Variants in FRAS1 observed in about 807,000 individuals in gnomAD.
FRAS1 encodes Fraser extracellular matrix complex subunit 1.
FRAS1 carries 290 observed loss-of-function variants against 435.2 expected under a neutral mutation model. That is an observed-to-expected ratio of 0.67 (90% CI 0.61 to 0.73). FRAS1 has a LOEUF of 0.73. Ranked by LOEUF, FRAS1 falls within the 30% of genes least tolerant of loss-of-function variation. The pLI, the probability that FRAS1 is intolerant of heterozygous loss-of-function variation, is 0.00. For missense variants in FRAS1, 4,860 were observed against 5,001.5 expected (o/e 0.97, Z 0.85); for synonymous variants, 1,800 against 1,851.0 (o/e 0.97, Z 0.71).
chr4:78,477,897 T>TC lies in FRAS1; in HGVS notation c.7935dup (p.Thr2646HisfsTer28). 1.9e-6 allele frequency: 3 copies of TC among 1,613,628 alleles called. No individual in the cohort carries two copies. The highest frequency in any genetic ancestry group is 2.5e-6 in the Non-Finnish European group (3 of 1,179,786). On this transcript the variant is annotated frameshift_variant, in exon 55 of 74. Coordinates refer to ENST00000512123, the MANE Select transcript of FRAS1 (RefSeq NM_025074.7). LOFTEE classifies it high-confidence loss of function. The stretch of plus-strand genomic sequence containing the variant: ...GACGTGTTTGAAAATGTTGAGAGTT[T>TC]CACTGTGGAGCTCAGCATGCCAGCT...
At chr4:78,450,730 G>A (rs901543328) in intron 45 of FRAS1, among the ~76,000 whole-genome samples, 7 of 152,116 alleles carry the variant, frequency 4.6e-5, no homozygotes, top group Admixed American at 6.6e-5. Context: ...GCTCCCCAAA[G>A]AGCACAAGTT....
intron 14 of FRAS1, among the ~76,000 whole-genome samples, chr4:78,292,137 T>C (rs1727928625): frequency 6.6e-6 from 1 of 152,202 alleles, no homozygotes; most frequent in African/African-American, 2.4e-5. Flanking sequence ...TTTCAACCTA[T>C]AGAGATAAAA....
Position 78,057,937 on chromosome 4 carries a change from A to G in FRAS1, c.-73A>G. Reference sequence around the variant, plus strand: ...AGTGCGCCCGGGTTCCAAGCGCCGGAGCCAGCGTTTTGGCGGAGCCGCTTC... The same window carrying G: ...AGTGCGCCCGGGTTCCAAGCGCCGGGGCCAGCGTTTTGGCGGAGCCGCTTC... On this transcript the variant is annotated 5_prime_UTR_variant, in exon 1 of 74. Coordinates refer to ENST00000512123, the MANE Select transcript of FRAS1 (RefSeq NM_025074.7). The surrounding 1 kb of genome is among the most constrained non-coding windows in gnomAD (Gnocchi z 4.2). 2 of 1,458,854 alleles carry G rather than the reference A, an allele frequency of 1.4e-6. No homozygotes were observed. The highest frequency in any genetic ancestry group is 1.9e-6 in the Non-Finnish European group (2 of 1,044,680). 90.4% of individuals were successfully genotyped at this position (1,458,854 alleles called of 1,614,324 possible).
intron 66 of FRAS1, among the ~76,000 whole-genome samples, chr4:78,516,815 C>G (rs1721228977): frequency 6.6e-6 from 1 of 152,198 alleles, no homozygotes. Flanking sequence ...GAAACCACCC[C>G]CATGATCCAA....
chr4:78,099,362 T>G (rs1438083422), intron 2 of FRAS1, among the ~76,000 whole-genome samples: 1 of 152,202 alleles, frequency 6.6e-6, no homozygotes, highest in Non-Finnish European at 1.5e-5. Context: ...GGTAGGCATG[T>G]CATTAGGGAG....
intron 2 of FRAS1, among the ~76,000 whole-genome samples, chr4:78,183,634 A>C (rs1359057387): frequency 6.6e-6 from 1 of 152,182 alleles, no homozygotes; most frequent in East Asian, 1.9e-4. Context: ...ACTGGGCTAA[A>C]GAAGTGCAGG....
intron 2 of FRAS1, among the ~76,000 whole-genome samples, chr4:78,202,164 GGTAGATTAACCCT>G (rs1432573866): frequency 6.6e-6 from 1 of 152,100 alleles, no homozygotes. Flanking sequence ...ATAGTGTCAT[GGTAGATTAACCCT>G]GTAAACTAAA....
intron 70 of FRAS1, 65 bp from the exon 71 acceptor site, chr4:78,534,384 A>C: frequency 7.3e-7 from 1 of 1,375,340 alleles, no homozygotes; most frequent in Non-Finnish European, 1.0e-6. Context: ...AGGGAGGGTG[A>C]CTCAAATGAC....
intron 22 of FRAS1, 48 bp from the exon 23 acceptor site, chr4:78,369,790 T>A: frequency 6.4e-7 from 1 of 1,561,016 alleles, no homozygotes; most frequent in Non-Finnish European, 8.7e-7. Context: ...AGTGCTTCAG[T>A]ATTTGCAATT....
intron 20 of FRAS1, among the ~76,000 whole-genome samples, chr4:78,360,007 C>T (rs1731015751): frequency 6.6e-6 from 1 of 152,172 alleles, no homozygotes; most frequent in African/African-American, 2.4e-5. Flanking sequence ...CATCTGTGTA[C>T]CCAAATCTGC....
At chr4:78,406,386 C>T (rs187674575) in intron 30 of FRAS1, among the ~76,000 whole-genome samples, 29 of 152,278 alleles carry the variant, frequency 1.9e-4, no homozygotes, top group African/African-American at 5.5e-4. Flanking sequence ...TAATTGGACT[C>T]ACAGTTCCAC....
Position 78,156,058 on chromosome 4 carries a change from A to G in FRAS1, c.109-81452A>G, listed in dbSNP as rs113707351. ...TGATCGCTGACCAGTTCTAAAATAGAGTCCATGGGTTCAAGCCTTTGGCTG... is the reference window on the plus strand; with the variant it reads ...TGATCGCTGACCAGTTCTAAAATAGGGTCCATGGGTTCAAGCCTTTGGCTG... On this transcript the variant is annotated intron_variant, in intron 2 of 73. Transcript: ENST00000512123. 3.0e-4 allele frequency among the ~76,000 whole-genome samples: 46 copies of G among 152,304 alleles called. 1 individual carries two copies. Among genetic ancestry groups the G allele is most frequent in the African/African-American group, 1.1e-3 (46 of 41,568 alleles).
chr4:78,515,496 G>A (rs1295881730), intron 65 of FRAS1, among the ~76,000 whole-genome samples: 1 of 152,182 alleles, frequency 6.6e-6, no homozygotes, highest in Non-Finnish European at 1.5e-5. Context: ...AAGCTTCAGA[G>A]AGTTTTCCTT....
At chr4:78,489,968 C>CAAAAAAAA (rs61568957) in intron 59 of FRAS1, among the ~76,000 whole-genome samples, 8,986 of 92,374 alleles carry the variant, frequency 0.097, 1,136 homozygotes, top group Non-Finnish European at 0.13. Flanking sequence ...TAGTGGAAAA[C>CAAAAAAAA]AAAAAAAAAA....
chr4:78,058,171 C>A, intron 1 of FRAS1, 86 bp downstream of exon 1: 3 of 1,277,182 alleles, frequency 2.3e-6, no homozygotes, highest in Non-Finnish European at 3.3e-6. Context: ...TTAAAAATCT[C>A]AGCAGGTTTT....
At chr4:78,113,922 G>A (rs573084461) in intron 2 of FRAS1, among the ~76,000 whole-genome samples, 124 of 152,278 alleles carry the variant, frequency 8.1e-4, no homozygotes, top group Admixed American at 3.7e-3. Context: ...GTCCTGAATG[G>A]TATTGCCTAG....
Position 78,369,968 on chromosome 4 carries a change from C to T in FRAS1, c.2853C>T (p.Ser951=), listed in dbSNP as rs1731432321. Residue 951 remains serine (S), a synonymous_variant, in exon 23 of 74, where the codon TCC becomes TCT. Transcript: ENST00000512123. The part of the protein sequence containing the change: ...SCAPQYYLDF[S]TNTCKECDWS... ...CCCCACAGTACTATCTTGACTTCTC[C>T]ACCAACACGTGCAAAGGTAAAGCTC... 6.2e-7 allele frequency: 1 copy of T among 1,613,286 alleles called. No homozygotes were observed. Among genetic ancestry groups the T allele is most frequent in the Non-Finnish European group, 8.5e-7 (1 of 1,179,462 alleles).
At chr4:78,489,968 C>CAAACAAAA (rs1553891075) in intron 59 of FRAS1, among the ~76,000 whole-genome samples, 1 of 92,610 alleles carries the variant, frequency 1.1e-5, no homozygotes, top group Non-Finnish European at 2.1e-5. Flanking sequence ...TAGTGGAAAA[C>CAAACAAAA]AAAAAAAAAA....
chr4:78,276,601 G>T (rs754324151), intron 9 of FRAS1, among the ~76,000 whole-genome samples: 1 of 152,230 alleles, frequency 6.6e-6, no homozygotes, highest in Non-Finnish European at 1.5e-5. Context: ...GTTTGCCTGG[G>T]TATCAGCAGC....
Sources: allele counts gnomAD v4.1 joint callset (sites outside exome capture counted in the v4.1 genomes callset), GRCh38; gene constraint gnomAD v4.1.1; non-coding constraint Gnocchi (gnomAD v3.1); transcripts MANE v1.5; gene names NCBI Gene and HGNC (gene_info 2026-07-23, HGNC 2026-07-21).